The following KIFAP3 variants were observed in gnomAD, a reference collection of about 807,000 sequenced individuals.
KIFAP3 encodes kinesin-associated protein 3.
KIFAP3 carries 68 observed loss-of-function variants against 106.5 expected under a neutral mutation model. That is an observed-to-expected ratio of 0.64 (90% CI 0.53 to 0.78). The LOEUF is 0.78. KIFAP3 is among the 30% of genes least tolerant of loss of function. The pLI is 0.00. For synonymous variants in KIFAP3, 320 were observed against 311.5 expected (o/e 1.03, Z -0.29); for missense variants, 780 against 941.8 (o/e 0.83, Z 2.25).
At chr1:169,924,810 T>G (rs1322519954) in intron 19 of KIFAP3, among the ~76,000 whole-genome samples, 1 of 152,224 alleles carries the variant, frequency 6.6e-6, no homozygotes, top group African/African-American at 2.4e-5. Context: ...AGATAGATTC[T>G]TCATGTAAGT....
chr1:169,959,786 C>T (rs182976610), intron 18 of KIFAP3, among the ~76,000 whole-genome samples: 1 of 152,040 alleles, frequency 6.6e-6, no homozygotes, highest in Non-Finnish European at 1.5e-5. Flanking sequence ...AAAAAATTCA[C>T]ATCATATATA....
intron 10 of KIFAP3, among the ~76,000 whole-genome samples, chr1:170,014,736 G>A (rs918122618): frequency 1.3e-5 from 2 of 152,020 alleles, no homozygotes; most frequent in African/African-American, 4.8e-5. Flanking sequence ...AATGTAACAC[G>A]AGAAACGTAT....
chr1:170,061,443 C>G (rs1043933539), intron 1 of KIFAP3, among the ~76,000 whole-genome samples: 1 of 152,132 alleles, frequency 6.6e-6, no homozygotes, highest in African/African-American at 2.4e-5. Context: ...TAGAGAAATG[C>G]AAATCAAAAC....
At chr1:170,056,529 C>A (rs1296068313) in intron 1 of KIFAP3, among the ~76,000 whole-genome samples, 1 of 152,150 alleles carries the variant, frequency 6.6e-6, no homozygotes, top group Non-Finnish European at 1.5e-5. Context: ...CATTCTTAGT[C>A]CTAGCTAGCA....
At chr1:169,929,219 C>T (rs555108690) in intron 19 of KIFAP3, among the ~76,000 whole-genome samples, 4 of 152,206 alleles carry the variant, frequency 2.6e-5, no homozygotes, top group Admixed American at 1.3e-4. Context: ...CCATTGCTGT[C>T]GCAGATAATT....
rs368829339 is a variant in KIFAP3, at chr1:169,948,613, T to C, written c.2273+5398A>G. 1.1e-4 allele frequency among the ~76,000 whole-genome samples: 16 copies of C among 152,142 alleles called. No homozygotes were observed. In the East Asian group the frequency reaches 2.5e-3, roughly 24 times the overall value. On this transcript the variant is annotated intron_variant, in intron 19 of 19. Transcript: ENST00000361580. ...TTTTTTGATCCTTCCATCTAATTGCTATGCTATGGCCACAGTAATGAAGAT... is the reference window on the plus strand; with the variant it reads ...TTTTTTGATCCTTCCATCTAATTGCCATGCTATGGCCACAGTAATGAAGAT...
At chr1:170,050,731 T>C (rs1360348085) in intron 2 of KIFAP3, among the ~76,000 whole-genome samples, 1 of 152,082 alleles carries the variant, frequency 6.6e-6, no homozygotes, top group African/African-American at 2.4e-5. Flanking sequence ...GAATTTAATA[T>C]CCAGCCAAAC....
intron 13 of KIFAP3, 72 bp downstream of exon 13, chr1:169,983,198 A>G: frequency 1.2e-6 from 1 of 847,994 alleles, no homozygotes; most frequent in South Asian, 1.6e-5. Flanking sequence ...AGACCTCAGT[A>G]AGAGCTGTAT....
chr1:169,922,943 A>T, intron 19 of KIFAP3: 1 of 237,830 alleles, frequency 4.2e-6, no homozygotes, highest in Non-Finnish European at 6.8e-6. Context: ...AGTAACTATT[A>T]AAATGTTAAG....
intron 18 of KIFAP3, among the ~76,000 whole-genome samples, chr1:169,959,217 A>G (rs1212662014): frequency 1.3e-5 from 2 of 152,162 alleles, no homozygotes; most frequent in East Asian, 3.9e-4. Flanking sequence ...CTGATGCTAC[A>G]ATCATACACA....
At chr1:169,926,355 G>A (rs552266586) in intron 19 of KIFAP3, among the ~76,000 whole-genome samples, 2 of 152,030 alleles carry the variant, frequency 1.3e-5, no homozygotes, top group African/African-American at 4.8e-5. Flanking sequence ...CATCTCAGTT[G>A]CTCTCTAAAA....
intron 17 of KIFAP3, among the ~76,000 whole-genome samples, chr1:169,968,353 C>T (rs139764008): frequency 5.1e-4 from 77 of 151,968 alleles, no homozygotes; most frequent in African/African-American, 1.7e-3. Context: ...CACTGGCTTC[C>T]GTCACACCTT....
chr1:169,960,906 G>A, intron 18 of KIFAP3, 140 bp downstream of exon 18: 2 of 579,758 alleles, frequency 3.4e-6, no homozygotes, highest in Non-Finnish European at 5.8e-6. Context: ...ATTATATATA[G>A]ACGTTACATC....
At chr1:170,047,055 A>G (rs942534336) in intron 2 of KIFAP3, among the ~76,000 whole-genome samples, 189 bp from the exon 3 acceptor site, 4 of 152,202 alleles carry the variant, frequency 2.6e-5, no homozygotes, top group Non-Finnish European at 5.9e-5. Context: ...GAACTAGACA[A>G]ACAAAATAAC....
intron 10 of KIFAP3, among the ~76,000 whole-genome samples, chr1:170,008,009 A>G (rs1192940798): frequency 6.6e-6 from 1 of 152,064 alleles, no homozygotes; most frequent in African/African-American, 2.4e-5. Flanking sequence ...ACAAAAACAT[A>G]CAATGGGGAA....
chr1:169,934,849 T>C (rs1663699603), intron 19 of KIFAP3, among the ~76,000 whole-genome samples: 1 of 152,150 alleles, frequency 6.6e-6, no homozygotes, highest in South Asian at 2.1e-4. Flanking sequence ...TGGTATCTAC[T>C]TGCTGATGGC....
intron 1 of KIFAP3, among the ~76,000 whole-genome samples, chr1:170,080,287 A>G (rs1671999608): frequency 6.6e-6 from 1 of 152,096 alleles, no homozygotes; most frequent in Non-Finnish European, 1.5e-5. Flanking sequence ...AAAATGGAAA[A>G]GTGTGTCATG....
intron 2 of KIFAP3, 128 bp downstream of exon 2, chr1:170,055,177 C>T (rs1670778522): frequency 1.3e-6 from 1 of 782,232 alleles, no homozygotes. Context: ...ATCTCTCCTT[C>T]ACTAAGATGA....
intron 18 of KIFAP3, 142 bp from the exon 19 acceptor site, chr1:169,954,252 T>A (rs750122408): frequency 3.3e-6 from 2 of 608,270 alleles, no homozygotes; most frequent in African/African-American, 1.9e-5. Context: ...TCTGGGAGTA[T>A]GAACAGACAA....
Sources: gnomAD v4.1 joint callset for allele counts (sites outside exome capture counted in the v4.1 genomes callset) on GRCh38, gnomAD v4.1.1 for gene constraint, MANE v1.5 for transcripts, NCBI Gene and HGNC (gene_info 2026-07-23, HGNC 2026-07-21) for gene names.